DCLK1: variants seen among roughly 807,000 people sequenced by gnomAD.
DCLK1 encodes the protein doublecortin like kinase 1, also known as serine/threonine-protein kinase DCLK1.
DCLK1 carries 16 observed loss-of-function variants against 86.2 expected under a neutral mutation model. That is an observed-to-expected ratio of 0.19 (90% confidence interval 0.13 to 0.28). The LOEUF (loss-of-function observed/expected upper bound fraction) is 0.28, where lower values mean the gene tolerates loss of function less well. DCLK1 is among the 10% of genes least tolerant of loss of function. The pLI is 1.00. For synonymous variants in DCLK1, 369 were observed against 370.5 expected, an observed-to-expected ratio of 1.00 and a Z score of 0.05; for missense variants, 590 against 940.2, an observed-to-expected ratio of 0.63 and a Z score of 4.87.
In DCLK1 at chr13:35,772,054, G is replaced by A. The variant is rs1566522162; in HGVS notation, c.*2481C>T. The A allele has an allele frequency of 6.6e-6, 1 of 152,198 alleles. No homozygotes were observed. Among genetic ancestry groups the A allele is most frequent in the Non-Finnish European group, 1.5e-5 (1 of 68,050 alleles). The allele number at this position is 152,198 out of a possible 1,614,324, so 9.4% of individuals were successfully genotyped here. A position where few individuals can be genotyped will look rare whatever the true frequency, so the allele number is the denominator to read the frequency against. On this transcript the variant is annotated 3_prime_UTR_variant, in exon 17 of 17. Coordinates refer to ENST00000360631, the MANE Select transcript of DCLK1 (RefSeq NM_001330071.2). Reference sequence around the variant, plus strand: ...ACATTCAGGATCTTGGTAGCTTAATGTTAGAAAGATTGCATTCCATCTGAT... The same window carrying A: ...ACATTCAGGATCTTGGTAGCTTAATATTAGAAAGATTGCATTCCATCTGAT...
At chr13:35,789,771 A>T (rs7326177) in intron 16 of DCLK1, among the ~76,000 whole-genome samples, 16,525 of 152,270 alleles carry the variant, frequency 0.11, 1,066 homozygotes, top group East Asian at 0.19. Flanking sequence ...AAATCTAATA[A>T]TGCCTCTCTC....
chr13:35,992,251 C>A (rs1593798810), intron 3 of DCLK1, among the ~76,000 whole-genome samples: 1 of 152,264 alleles, frequency 6.6e-6, no homozygotes, highest in East Asian at 1.9e-4. Flanking sequence ...ACTTCAGAGA[C>A]AAATGATCCC....
At chr13:36,045,275 A>G (rs1593843496) in intron 3 of DCLK1, among the ~76,000 whole-genome samples, 1 of 140,408 alleles carries the variant, frequency 7.1e-6, no homozygotes, top group South Asian at 2.3e-4. Context: ...ATATATATAT[A>G]GAAGATATAT....
At chr13:35,848,960 A>G (rs770003202) in intron 6 of DCLK1, 109 of 985,216 alleles carry the variant, frequency 1.1e-4, no homozygotes, top group Middle Eastern at 5.2e-4. Context: ...GGTCATTTCT[A>G]TTGGAAACAG....
At chr13:35,886,217 T>C (rs922663687) in intron 4 of DCLK1, among the ~76,000 whole-genome samples, 1 of 152,084 alleles carries the variant, frequency 6.6e-6, no homozygotes, top group South Asian at 2.1e-4. Context: ...TTCACTGTGT[T>C]AGCCAGAATG....
chr13:35,935,478 AG>A (rs1876704790), intron 4 of DCLK1, among the ~76,000 whole-genome samples: 1 of 152,126 alleles, frequency 6.6e-6, no homozygotes, highest in Non-Finnish European at 1.5e-5. Flanking sequence ...GGGGAGTAAA[AG>A]TGAGGGGTGA....
At chr13:35,912,164 G>C (rs776533705) in intron 4 of DCLK1, among the ~76,000 whole-genome samples, 8 of 152,116 alleles carry the variant, frequency 5.3e-5, no homozygotes, top group Non-Finnish European at 1.0e-4. Context: ...CCTCAGCATA[G>C]AGTTTGGCAT....
intron 4 of DCLK1, among the ~76,000 whole-genome samples, chr13:35,896,453 G>A (rs901853970): frequency 6.9e-6 from 1 of 145,646 alleles, no homozygotes; most frequent in South Asian, 2.1e-4. Context: ...CAGGAGAATC[G>A]CTTGAACTCG....
At position 35,774,385 on chromosome 13, in the gene DCLK1, C is replaced by T; in HGVS notation, c.*150G>A. 2 of 957,182 alleles carry T rather than the reference C, an allele frequency of 2.1e-6. No individual in the cohort carries two copies. The highest frequency in any genetic ancestry group is 1.5e-6 in the Non-Finnish European group (1 of 659,162). 59.3% of individuals were successfully genotyped at this position (957,182 alleles called of 1,614,324 possible). A position where few individuals can be genotyped will look rare whatever the true frequency, so the allele number is the denominator to read the frequency against. On this transcript the variant is annotated 3_prime_UTR_variant, in exon 17 of 17. Transcript: ENST00000360631. Reference sequence around the variant, plus strand: ...GTCATCTTATTCAGTAAAGGGAAACCGCTACAAAGATACCTGAAAACACTT... The same window carrying T: ...GTCATCTTATTCAGTAAAGGGAAACTGCTACAAAGATACCTGAAAACACTT...
chr13:36,055,810 T>G (rs145665588), intron 3 of DCLK1, among the ~76,000 whole-genome samples: 1 of 152,286 alleles, frequency 6.6e-6, no homozygotes, highest in Admixed American at 6.5e-5. Flanking sequence ...ATTATAGGAT[T>G]TTTAAAACAG....
chr13:35,808,361 T>G (rs758797467), intron 13 of DCLK1, 41 bp from the exon 14 acceptor site: 1 of 1,532,242 alleles, frequency 6.5e-7, no homozygotes, highest in Admixed American at 1.7e-5. Context: ...AGCACTAAGA[T>G]ATCAACTCAG....
At chr13:35,990,518 C>G (rs566101465) in intron 3 of DCLK1, among the ~76,000 whole-genome samples, 7 of 152,208 alleles carry the variant, frequency 4.6e-5, no homozygotes, top group Non-Finnish European at 8.8e-5. Flanking sequence ...CAGGTCATGC[C>G]TGGCCAATCC....
At chr13:36,081,603 G>A (rs1385842954) in intron 3 of DCLK1, among the ~76,000 whole-genome samples, 1 of 152,046 alleles carries the variant, frequency 6.6e-6, no homozygotes, top group African/African-American at 2.4e-5. Flanking sequence ...AAGTTTCATT[G>A]TTCGGGAATT....
rs150343394 is a variant in DCLK1 at position 35,793,091 on chromosome 13, G to A, written c.2058+275C>T. Among the ~76,000 whole-genome samples the A allele has an allele frequency of 5.9e-5, 9 of 152,196 alleles. No homozygotes were observed. In the East Asian group the frequency reaches 1.7e-3, roughly 29 times the overall value. On this transcript the variant is annotated intron_variant, in intron 16 of 16. Coordinates refer to ENST00000360631, the MANE Select transcript of DCLK1 (RefSeq NM_001330071.2). Reference sequence around the variant, plus strand: ...TGCATTGGCACAGAGTCCAGCATGGGGGAGGTTTTCGGTTTTAAATAAATA... The same window carrying A: ...TGCATTGGCACAGAGTCCAGCATGGAGGAGGTTTTCGGTTTTAAATAAATA...
chr13:35,793,459 A>G lies in DCLK1; in HGVS notation c.1965T>C (p.Asn655=), dbSNP rs547235201. The G allele has an allele frequency of 8.7e-6, 14 of 1,605,634 alleles. No individual in the cohort carries two copies. Among genetic ancestry groups the G allele is most frequent in the Middle Eastern group, 1.7e-4 (1 of 6,034 alleles). The change falls in exon 16 of 17, where the codon AAT becomes AAC. Residue 655 remains asparagine, a synonymous_variant. Transcript: ENST00000360631. ...TTCCAGCTACTGACAGCTGATGTTC[A>G]TTTTCTGGGAGGCCATCATCCTGGA... ...PWVNDDGLPE[N]EHQLSVAGKI...
chr13:35,994,094 T>G (rs1446128513), intron 3 of DCLK1, among the ~76,000 whole-genome samples: 6 of 127,282 alleles, frequency 4.7e-5, no homozygotes, highest in African/African-American at 1.5e-4. Flanking sequence ...AGGGGAAAAG[T>G]AACATGCAGC....
At chr13:35,816,254 G>A (rs2087263506) in intron 11 of DCLK1, among the ~76,000 whole-genome samples, 1 of 152,150 alleles carries the variant, frequency 6.6e-6, no homozygotes, top group Admixed American at 6.6e-5. Flanking sequence ...TAGACGAAAA[G>A]GAACTAAACT....
chr13:35,972,380 C>T (rs1879110309), intron 3 of DCLK1, among the ~76,000 whole-genome samples: 1 of 152,100 alleles, frequency 6.6e-6, no homozygotes, highest in South Asian at 2.1e-4. Context: ...ATCTTGACTG[C>T]TTACTAAGTG....
rs59091995 is a variant in DCLK1 at position 35,921,015 on chromosome 13, TC to T, written c.823+26342del. On this transcript the variant is annotated intron_variant, in intron 4 of 16. Coordinates refer to ENST00000360631, the MANE Select transcript of DCLK1 (RefSeq NM_001330071.2). Reference sequence around the variant, plus strand: ...CAGCCCACAGCAGGCCACCAACACCTCCACAATGACTATTTTGAAGCGACCT... The same window carrying T: ...CAGCCCACAGCAGGCCACCAACACCTCACAATGACTATTTTGAAGCGACCT... Among the ~76,000 whole-genome samples the T allele has an allele frequency of 3.2e-4, 49 of 152,078 alleles. 2 individuals are homozygous for T. In the East Asian group the frequency reaches 9.3e-3, roughly 29 times the overall value.
Sources: allele counts gnomAD v4.1 joint callset (sites outside exome capture counted in the v4.1 genomes callset), GRCh38; gene constraint gnomAD v4.1.1; transcripts MANE v1.5; gene names NCBI Gene and HGNC (gene_info 2026-07-23, HGNC 2026-07-21).